PCDH9: variants seen among roughly 807,000 people sequenced by gnomAD.
PCDH9 encodes the protein protocadherin 9.
A neutral mutation model predicts 70.6 loss-of-function variants in PCDH9; 24 were observed. That is an observed-to-expected ratio of 0.34 (90% CI 0.25 to 0.48). The LOEUF (loss-of-function observed/expected upper bound fraction) is 0.48, where lower values mean the gene tolerates loss of function less well. PCDH9 is among the 20% of genes least tolerant of loss of function. PCDH9 has a pLI of 0.99. For synonymous variants in PCDH9, 562 were observed against 558.5 expected (o/e 1.01, Z -0.09); for missense variants, 1,281 against 1,503.6 (o/e 0.85, Z 2.45).
At chr13:66,764,652 T>C (rs2079682725) in intron 3 of PCDH9, among the ~76,000 whole-genome samples, 1 of 152,022 alleles carries the variant, frequency 6.6e-6, no homozygotes, top group South Asian at 2.1e-4. Flanking sequence ...CTAAAGCAGA[T>C]CTATGGAATA....
intron 3 of PCDH9, among the ~76,000 whole-genome samples, chr13:66,791,324 T>C (rs2080160173): frequency 6.6e-6 from 1 of 152,184 alleles, no homozygotes; most frequent in Non-Finnish European, 1.5e-5. Flanking sequence ...TTGAGCAGTG[T>C]TTTTTTCCTC....
chr13:66,760,873 AAATAT>A, intron 3 of PCDH9, among the ~76,000 whole-genome samples: 1 of 152,126 alleles, frequency 6.6e-6, no homozygotes, highest in African/African-American at 2.4e-5. Flanking sequence ...ATAAGGGATG[AAATAT>A]GCCCTGGTCT....
intron 2 of PCDH9, among the ~76,000 whole-genome samples, chr13:67,092,389 T>C (rs1313428160): frequency 8.1e-6 from 1 of 123,028 alleles, no homozygotes; most frequent in Admixed American, 7.8e-5. Flanking sequence ...CAATAACATG[T>C]TTTTTTTATT....
intron 4 of PCDH9, among the ~76,000 whole-genome samples, chr13:66,414,270 A>G (rs543277801): frequency 1.3e-5 from 2 of 152,324 alleles, no homozygotes; most frequent in Admixed American, 6.5e-5. Flanking sequence ...GGTTTTCTAC[A>G]AAATTGTGGA....
chr13:66,962,066 A>C (rs1237815645), intron 2 of PCDH9, among the ~76,000 whole-genome samples: 6 of 152,112 alleles, frequency 3.9e-5, no homozygotes, highest in Admixed American at 3.9e-4. Context: ...CAAAAAAACA[A>C]AACAAAAAAA....
chr13:66,967,688 T>A (rs1490836326), intron 2 of PCDH9, among the ~76,000 whole-genome samples: 3 of 151,938 alleles, frequency 2.0e-5, no homozygotes, highest in African/African-American at 7.3e-5. Flanking sequence ...TATGCAAAAG[T>A]CTTTAAATCA....
intron 2 of PCDH9, among the ~76,000 whole-genome samples, chr13:67,156,931 C>T (rs2087828431): frequency 6.6e-6 from 1 of 152,182 alleles, no homozygotes; most frequent in South Asian, 2.1e-4. Flanking sequence ...GACTACTGAA[C>T]CTTTCCCGTT....
intron 2 of PCDH9, among the ~76,000 whole-genome samples, chr13:66,919,259 C>T (rs1170721986): frequency 6.6e-6 from 1 of 151,224 alleles, no homozygotes; most frequent in Non-Finnish European, 1.5e-5. Context: ...CCCAAACAAA[C>T]AAAATATTTT....
intron 2 of PCDH9, among the ~76,000 whole-genome samples, chr13:67,025,187 C>T (rs967022628): frequency 2.0e-5 from 3 of 151,982 alleles, no homozygotes; most frequent in Admixed American, 6.6e-5. Context: ...GTGCTATATG[C>T]TAATTTTTTA....
chr13:66,402,965 C>T (rs188855013), intron 4 of PCDH9, among the ~76,000 whole-genome samples: 23 of 152,082 alleles, frequency 1.5e-4, no homozygotes, highest in African/African-American at 5.1e-4. Context: ...ATGAAATAAA[C>T]ACAAATGTAA....
chr13:66,359,226 T>A (rs993939880), intron 4 of PCDH9, among the ~76,000 whole-genome samples: 3 of 152,054 alleles, frequency 2.0e-5, no homozygotes, highest in African/African-American at 7.2e-5. Flanking sequence ...ATTGTATTAT[T>A]TTTTTCATCT....
chr13:66,428,347 C>G (rs1301562514), intron 4 of PCDH9, among the ~76,000 whole-genome samples: 2 of 151,670 alleles, frequency 1.3e-5, no homozygotes, highest in Non-Finnish European at 3.0e-5. Flanking sequence ...TGTGTTCTTA[C>G]TGTAACTCTG....
intron 4 of PCDH9, among the ~76,000 whole-genome samples, chr13:66,316,430 A>G (rs886769671): frequency 6.6e-6 from 1 of 152,196 alleles, no homozygotes; most frequent in African/African-American, 2.4e-5. Flanking sequence ...TCCATGGCCT[A>G]GAGAGCCTCT....
At chr13:67,094,875 G>T (rs7983779) in intron 2 of PCDH9, among the ~76,000 whole-genome samples, 149,777 of 152,170 alleles carry the variant, frequency 0.98, 73,748 homozygotes, top group Middle Eastern at 1. Context: ...AGTGGACTTA[G>T]CAGTTTTTCT....
At chr13:67,164,994 T>C (rs1431046817) in intron 2 of PCDH9, among the ~76,000 whole-genome samples, 1 of 152,170 alleles carries the variant, frequency 6.6e-6, no homozygotes, top group Non-Finnish European at 1.5e-5. Flanking sequence ...GGGAGAGAAC[T>C]TAGCCATCTT....
intron 2 of PCDH9, among the ~76,000 whole-genome samples, chr13:66,972,096 A>G (rs1276254171): frequency 1.3e-5 from 2 of 151,984 alleles, no homozygotes; most frequent in South Asian, 2.1e-4. Context: ...TCTTACATAT[A>G]CTATTGTACA....
intron 2 of PCDH9, among the ~76,000 whole-genome samples, chr13:66,930,667 T>C (rs1256114089): frequency 6.6e-6 from 1 of 151,954 alleles, no homozygotes; most frequent in African/African-American, 2.4e-5. Flanking sequence ...GGGAAGAAGG[T>C]GGAACCAAGT....
intron 4 of PCDH9, among the ~76,000 whole-genome samples, chr13:66,621,390 C>T (rs1018517429): frequency 1.3e-5 from 2 of 152,126 alleles, no homozygotes; most frequent in African/African-American, 2.4e-5. Context: ...CCCCAGCTGA[C>T]AGGCATGGAG....
intron 3 of PCDH9, among the ~76,000 whole-genome samples, chr13:66,797,958 GGGGT>G (rs966686685): frequency 3.1e-4 from 39 of 124,330 alleles, no homozygotes; most frequent in East Asian, 2.1e-3. Flanking sequence ...TGTTTCTTGG[GGGGT>G]GTGTGTGTGT....
Sources: allele counts gnomAD v4.1 joint callset (sites outside exome capture counted in the v4.1 genomes callset), GRCh38; gene constraint gnomAD v4.1.1; transcripts MANE v1.5; gene names NCBI Gene and HGNC (gene_info 2026-07-23, HGNC 2026-07-21).